CTNNA3: variants seen among roughly 807,000 people sequenced by gnomAD.
The protein encoded by CTNNA3 is catenin alpha-3.
Under a neutral mutation model 95.7 loss-of-function variants are expected in CTNNA3, and 76 were observed. The observed-to-expected ratio is 0.79, with a 90% CI of 0.66 to 0.96. CTNNA3 has a LOEUF of 0.96. CTNNA3 is among the 40% of genes least tolerant of loss of function. The pLI is 0.00. For missense variants in CTNNA3, 1,191 were observed against 1,089.8 expected (o/e 1.09, Z -1.31); for synonymous variants, 431 against 374.4 (o/e 1.15, Z -1.74).
chr10:67,394,623 C>T (rs1251536617), intron 5 of CTNNA3, among the ~76,000 whole-genome samples: 1 of 151,998 alleles, frequency 6.6e-6, no homozygotes, highest in East Asian at 1.9e-4. Context: ...ATTAGAATGA[C>T]AATTCTCACC....
chr10:67,077,544 T>C (rs1856802795), intron 7 of CTNNA3, among the ~76,000 whole-genome samples: 1 of 152,154 alleles, frequency 6.6e-6, no homozygotes, highest in Admixed American at 6.5e-5. Context: ...GCTTGAAGCA[T>C]GCTTCCTCCC....
At chr10:66,356,329 T>C (rs2092610337) in intron 12 of CTNNA3, among the ~76,000 whole-genome samples, 1 of 151,990 alleles carries the variant, frequency 6.6e-6, no homozygotes, top group African/African-American at 2.4e-5. Flanking sequence ...TGGAACATGA[T>C]ACATCACTCC....
chr10:65,973,629 A>C (rs557195661), intron 16 of CTNNA3, among the ~76,000 whole-genome samples: 1 of 152,246 alleles, frequency 6.6e-6, no homozygotes, highest in African/African-American at 2.4e-5. Flanking sequence ...GTTCTGCAGG[A>C]TATACAAGCA....
intron 7 of CTNNA3, among the ~76,000 whole-genome samples, chr10:66,814,014 G>C (rs1043050053): frequency 2.6e-5 from 4 of 152,136 alleles, no homozygotes; most frequent in African/African-American, 9.7e-5. Flanking sequence ...AGAGCTGCTA[G>C]AAAATATATT....
intron 1 of CTNNA3, among the ~76,000 whole-genome samples, chr10:67,684,317 G>A (rs1475188091): frequency 6.6e-6 from 1 of 152,116 alleles, no homozygotes; most frequent in African/African-American, 2.4e-5. Flanking sequence ...CATTTTTGCA[G>A]AGTGCTGATT....
Position 66,460,572 on chromosome 10 carries a change from T to A in CTNNA3, c.1531+60045A>T, listed in dbSNP as rs1366928823. Among the ~76,000 whole-genome samples the A allele has an allele frequency of 4.8e-4, 73 of 152,022 alleles. 1 individual carries two copies. Among genetic ancestry groups the A allele is most frequent in the Admixed American group, 4.8e-3 (73 of 15,250 alleles). On this transcript the variant is annotated intron_variant, in intron 11 of 17. Coordinates refer to ENST00000433211, the MANE Select transcript of CTNNA3 (RefSeq NM_013266.4). ...CTCCTAACTTTCTATAGCATGCACA[T>A]CCCTGCAAGTCCCTTTCTTGCATTT...
chr10:67,381,024 C>T (rs1353639270), intron 5 of CTNNA3, among the ~76,000 whole-genome samples: 4 of 152,180 alleles, frequency 2.6e-5, no homozygotes, highest in Admixed American at 2.6e-4. Context: ...GTCCTGATGA[C>T]TGTCTCTCTG....
At chr10:67,072,337 G>A (rs1465537450) in intron 7 of CTNNA3, among the ~76,000 whole-genome samples, 1 of 151,998 alleles carries the variant, frequency 6.6e-6, no homozygotes, top group Non-Finnish European at 1.5e-5. Flanking sequence ...TTAAGTCCTT[G>A]CCAGTTACCT....
At chr10:67,458,500 T>C (rs1276217182) in intron 5 of CTNNA3, among the ~76,000 whole-genome samples, 3 of 152,030 alleles carry the variant, frequency 2.0e-5, no homozygotes, top group African/African-American at 7.2e-5. Context: ...CAAAAGTTGA[T>C]ATTCCAGTGT....
intron 3 of CTNNA3, among the ~76,000 whole-genome samples, chr10:67,562,699 GTC>G (rs1405788468): frequency 6.6e-6 from 1 of 152,142 alleles, no homozygotes; most frequent in Non-Finnish European, 1.5e-5. Flanking sequence ...AAGTCAAACT[GTC>G]CCTATTTGCA....
rs927929651 is a variant in CTNNA3, at chr10:67,743,739, A to G, written c.-2+19695T>C. ...CCCTGTTTGCAGATGACATGATTGT[A>G]TATCTAGAAAACCCCACTATCTCAG... On this transcript the variant is annotated intron_variant, in intron 1 of 17. Coordinates refer to the CTNNA3 transcript ENST00000684154. 3.3e-5 allele frequency among the ~76,000 whole-genome samples: 5 copies of G among 151,324 alleles called. 1 individual carries two copies. Among genetic ancestry groups the G allele is most frequent in the Non-Finnish European group, 7.4e-5 (5 of 67,720 alleles).
At chr10:67,410,659 A>G (rs192632249) in intron 5 of CTNNA3, among the ~76,000 whole-genome samples, 20 of 151,894 alleles carry the variant, frequency 1.3e-4, no homozygotes, top group Non-Finnish European at 2.4e-4. Context: ...CACAGAAATA[A>G]AGCTACCATA....
At chr10:67,662,692 C>T (rs1041424079) in intron 1 of CTNNA3, among the ~76,000 whole-genome samples, 1 of 152,142 alleles carries the variant, frequency 6.6e-6, no homozygotes, top group Admixed American at 6.5e-5. Context: ...TTGCCAGATG[C>T]CAACAGTTGA....
chr10:67,606,822 T>G, intron 3 of CTNNA3, 35 bp downstream of exon 3: 1 of 1,508,278 alleles, frequency 6.6e-7, no homozygotes, highest in South Asian at 1.2e-5. Flanking sequence ...CCTAAAGATA[T>G]GCAGTTTGCT....
rs2092589218 is a variant in CTNNA3, at chr10:66,354,152, C to T, written c.1732+25000G>A. 2.0e-5 allele frequency among the ~76,000 whole-genome samples: 3 copies of T among 151,974 alleles called. No homozygotes were observed. In the South Asian group the frequency reaches 6.2e-4, roughly 32 times the overall value. On this transcript the variant is annotated intron_variant, in intron 12 of 17. Coordinates refer to ENST00000433211, the MANE Select transcript of CTNNA3 (RefSeq NM_013266.4). ...ACAAACAATTAGCTGGGCATGGTGG[C>T]GGGCGCCTGTAATCCCAGCTACTTG...
chr10:66,596,177 G>A (rs1014466178), intron 10 of CTNNA3, among the ~76,000 whole-genome samples: 7 of 152,088 alleles, frequency 4.6e-5, no homozygotes, highest in South Asian at 2.1e-4. Flanking sequence ...GGTAGGGGCC[G>A]TGGCAGCCTG....
intron 13 of CTNNA3, among the ~76,000 whole-genome samples, chr10:66,159,760 C>A (rs888037486): frequency 2.0e-5 from 3 of 150,110 alleles, no homozygotes; most frequent in African/African-American, 7.4e-5. Flanking sequence ...GGTACCAATT[C>A]TTCTTAGAAT....
At chr10:65,987,396 C>T (rs1349003855) in intron 16 of CTNNA3, among the ~76,000 whole-genome samples, 1 of 151,780 alleles carries the variant, frequency 6.6e-6, no homozygotes, top group African/African-American at 2.4e-5. Context: ...CAAAAGAAGA[C>T]ATACAAATGG....
chr10:66,409,874 G>A (rs2093089003), intron 11 of CTNNA3, among the ~76,000 whole-genome samples: 1 of 152,140 alleles, frequency 6.6e-6, no homozygotes, highest in South Asian at 2.1e-4. Context: ...TCCTAAGGAA[G>A]TCTTTTAGAG....
Sources: allele counts gnomAD v4.1 joint callset (sites outside exome capture counted in the v4.1 genomes callset), GRCh38; gene constraint gnomAD v4.1.1; transcripts MANE v1.5; gene names NCBI Gene and HGNC (gene_info 2026-07-23, HGNC 2026-07-21).